WWTR1: variants seen among roughly 807,000 people sequenced by gnomAD.
The protein encoded by WWTR1 is WW domain containing transcription regulator 1, also known as WW domain-containing transcription regulator protein 1.
In WWTR1, 13 loss-of-function variants were observed where a neutral mutation model predicts 40.1. The observed-to-expected ratio is 0.32, with a 90% CI of 0.21 to 0.52. The LOEUF (loss-of-function observed/expected upper bound fraction) is 0.52. Ranked by LOEUF, WWTR1 falls within the 20% of genes least tolerant of loss-of-function variation. The probability of loss-of-function intolerance (pLI) is 0.97; values close to 1 mark genes in which losing one functional copy is unlikely to be tolerated. For missense variants in WWTR1, 436 were observed against 523.1 expected, an observed-to-expected ratio of 0.83 and a Z score of 1.63; for synonymous variants, 230 against 210.1, an observed-to-expected ratio of 1.09 and a Z score of -0.82.
intron 2 of WWTR1, among the ~76,000 whole-genome samples, chr3:149,629,989 GAC>G (rs1711507686): frequency 6.6e-6 from 1 of 152,020 alleles, no homozygotes; most frequent in Admixed American, 6.6e-5. Context: ...TGGGACTACA[GAC>G]ACACACCCTG....
intron 2 of WWTR1, among the ~76,000 whole-genome samples, chr3:149,591,338 A>C (rs1217447321): frequency 6.6e-6 from 1 of 152,242 alleles, no homozygotes; most frequent in Non-Finnish European, 1.5e-5. Flanking sequence ...CTGTTCCTTC[A>C]GAAGCCAGTC....
chr3:149,599,158 T>C (rs1739133663), intron 2 of WWTR1, among the ~76,000 whole-genome samples: 1 of 152,192 alleles, frequency 6.6e-6, no homozygotes, highest in Admixed American at 6.5e-5. Context: ...TACTGACTTG[T>C]AGATGAATAG....
At position 149,551,456 on chromosome 3, in the gene WWTR1, A is replaced by T. The variant is rs1340612273; in HGVS notation, c.569-8919T>A. ...ACTTCCTCCTTGGAACAAGTGTTTA[A>T]TTCAGTTTGATATTTGGGCCAGTAA... is the stretch of plus-strand genomic sequence containing the variant. On this transcript the variant is annotated intron_variant, in intron 3 of 6. Coordinates refer to ENST00000360632, the MANE Select transcript of WWTR1 (RefSeq NM_015472.6). Among the ~76,000 whole-genome samples, 2 of 146,048 alleles carry T rather than the reference A, an allele frequency of 1.4e-5. 1 individual carries two copies. Among genetic ancestry groups the T allele is most frequent in the Non-Finnish European group, 3.0e-5 (2 of 66,420 alleles).
chr3:149,686,545 A>G (rs938915172), intron 1 of WWTR1, among the ~76,000 whole-genome samples: 1 of 152,134 alleles, frequency 6.6e-6, no homozygotes. Context: ...CTCTATATAT[A>G]TATAAATAAT....
chr3:149,657,550 A>T lies in WWTR1; in HGVS notation c.-4+215T>A, dbSNP rs1713323557. 5.6e-6 allele frequency: 3 copies of T among 537,716 alleles called. No individual in the cohort carries two copies. In the South Asian group the frequency reaches 7.4e-5, roughly 13 times the overall value. 33.3% of individuals were successfully genotyped at this position (537,716 alleles called of 1,614,324 possible). On this transcript the variant is annotated intron_variant, in intron 1 of 6. Coordinates refer to ENST00000360632, the MANE Select transcript of WWTR1 (RefSeq NM_015472.6). Reference sequence around the variant, plus strand: ...TTGAAGCAAAGAAGTTGCCTGGAGGAGGAGAAGATAGGGCGAGGGGTGGAG... The same window carrying T: ...TTGAAGCAAAGAAGTTGCCTGGAGGTGGAGAAGATAGGGCGAGGGGTGGAG...
intron 4 of WWTR1, among the ~76,000 whole-genome samples, chr3:149,532,172 AACGGGATAAC>A (rs1167756681): frequency 6.6e-6 from 1 of 152,236 alleles, no homozygotes; most frequent in African/African-American, 2.4e-5. Flanking sequence ...GTGATGATAA[AACGGGATAAC>A]ACTACAAGGT....
chr3:149,540,079 TACAC>T (rs202144589), intron 4 of WWTR1: 49,544 of 269,726 alleles, frequency 0.18, 3,719 homozygotes, highest in African/African-American at 0.24. Context: ...TCCTCCTAAC[TACAC>T]ACACACACAC....
chr3:149,623,261 G>A (rs1454332636), intron 2 of WWTR1, among the ~76,000 whole-genome samples: 1 of 152,126 alleles, frequency 6.6e-6, no homozygotes, highest in African/African-American at 2.4e-5. Flanking sequence ...TACTCAGGAG[G>A]CTGAGGCAGG....
intron 3 of WWTR1, among the ~76,000 whole-genome samples, chr3:149,551,077 C>T (rs1425905339): frequency 1.4e-5 from 2 of 144,416 alleles, no homozygotes; most frequent in Non-Finnish European, 3.0e-5. Context: ...GCGGGCAAAT[C>T]ACCTGAGGTC....
intron 2 of WWTR1, among the ~76,000 whole-genome samples, chr3:149,582,617 G>T (rs1356047029): frequency 6.6e-6 from 1 of 151,872 alleles, no homozygotes; most frequent in Non-Finnish European, 1.5e-5. Context: ...TGTGGTCCCA[G>T]CTTCTTGGGA....
chr3:149,620,814 C>T (rs776499918), intron 2 of WWTR1, among the ~76,000 whole-genome samples: 6 of 152,208 alleles, frequency 3.9e-5, no homozygotes, highest in African/African-American at 7.2e-5. Context: ...GGGGAATAAA[C>T]CACACCTCTA....
chr3:149,548,040 C>T (rs1404649749), intron 3 of WWTR1, among the ~76,000 whole-genome samples: 2 of 127,276 alleles, frequency 1.6e-5, no homozygotes, highest in Non-Finnish European at 3.1e-5. Flanking sequence ...GTGAAGCAAA[C>T]AGTCAACACG....
At chr3:149,563,374 C>A (rs1286450463) in intron 3 of WWTR1, among the ~76,000 whole-genome samples, 1 of 152,130 alleles carries the variant, frequency 6.6e-6, no homozygotes, top group Admixed American at 6.5e-5. Context: ...TCTCTGCAAG[C>A]AAAACTGAAG....
At chr3:149,609,539 A>T (rs1206789192) in intron 2 of WWTR1, among the ~76,000 whole-genome samples, 1 of 152,252 alleles carries the variant, frequency 6.6e-6, no homozygotes, top group Non-Finnish European at 1.5e-5. Flanking sequence ...CCATAAATAC[A>T]GTTGTATTGG....
rs1390183154 is a variant in WWTR1 at position 149,518,345 on chromosome 3, G to T, written c.*2460C>A. ...GATTTACCTACTTTAAAAAAGAGGG[G>T]TATCTGTTTCTCTTACATTTAATAA... On this transcript the variant is annotated 3_prime_UTR_variant, in exon 7 of 7. Coordinates refer to ENST00000360632, the MANE Select transcript of WWTR1 (RefSeq NM_015472.6). 3 of 151,922 alleles carry T rather than the reference G, an allele frequency of 2.0e-5. No individual in the cohort carries two copies. Among genetic ancestry groups the T allele is most frequent in the African/African-American group, 7.2e-5 (3 of 41,394 alleles). The allele number at this position is 151,922 out of a possible 1,614,324, so 9.4% of individuals were successfully genotyped here. A position where few individuals can be genotyped will look rare whatever the true frequency, so the allele number is the denominator to read the frequency against.
In WWTR1 at chr3:149,585,121, C is replaced by T. The variant is rs1034561032; in HGVS notation, c.432-12121G>A. Among the ~76,000 whole-genome samples the T allele has an allele frequency of 1.9e-3, 280 of 144,412 alleles. 1 individual carries two copies. The highest frequency in any genetic ancestry group is 6.7e-3 in the African/African-American group (263 of 39,258). 94.7% of individuals were successfully genotyped at this position (144,412 alleles called of 152,430 possible). A position where few individuals can be genotyped will look rare whatever the true frequency, so the allele number is the denominator to read the frequency against. ...AACTACAGATATACTTGATTTCTTT[C>T]GTGTGTGTGTGTGTGTGTGTGTGTG... On this transcript the variant is annotated intron_variant, in intron 2 of 6. Coordinates refer to ENST00000360632, the MANE Select transcript of WWTR1 (RefSeq NM_015472.6).
chr3:149,543,580 CAAAAA>C (rs755442408), intron 3 of WWTR1, among the ~76,000 whole-genome samples: 10 of 31,226 alleles, frequency 3.2e-4, no homozygotes, highest in East Asian at 2.5e-3. Flanking sequence ...GACTCTGTCT[CAAAAA>C]AAAAAAAAAA....
intron 5 of WWTR1, among the ~76,000 whole-genome samples, chr3:149,715,022 C>T (rs1382457236): frequency 6.6e-6 from 1 of 152,126 alleles, no homozygotes; most frequent in Non-Finnish European, 1.5e-5. Context: ...TCGGGACACC[C>T]TGGCTATGGA....
intron 2 of WWTR1, among the ~76,000 whole-genome samples, chr3:149,577,866 TGTTAACTTTGCTCCAG>T: frequency 6.6e-6 from 1 of 151,114 alleles, no homozygotes; most frequent in Non-Finnish European, 1.5e-5. Context: ...GCGGAGGGGG[TGTTAACTTTGCTCCAG>T]TTTCCTCCTC....
Sources: allele counts gnomAD v4.1 joint callset (sites outside exome capture counted in the v4.1 genomes callset), GRCh38; gene constraint gnomAD v4.1.1; transcripts MANE v1.5; gene names NCBI Gene and HGNC (gene_info 2026-07-23, HGNC 2026-07-21).